Variants in MRTFA observed in about 807,000 individuals in gnomAD.
MRTFA encodes myocardin-related transcription factor A.
A neutral mutation model predicts 83.5 loss-of-function variants in MRTFA; 20 were observed. The ratio of observed to expected loss-of-function variants is 0.24; its 90% confidence interval spans 0.17 to 0.35. MRTFA has a LOEUF of 0.35. Ranked by LOEUF, MRTFA falls within the 10% of genes least tolerant of loss-of-function variation. The probability of loss-of-function intolerance (pLI) is 1.00; values close to 1 mark genes in which losing one functional copy is unlikely to be tolerated. For missense variants in MRTFA, 1,200 were observed against 1,224.7 expected (o/e 0.98, Z 0.30); for synonymous variants, 659 against 541.2 (o/e 1.22, Z -3.02).
At chr22:40,630,771 C>G (rs117669949) in intron 1 of MRTFA, among the ~76,000 whole-genome samples, 12,411 of 152,212 alleles carry the variant, frequency 0.082, 752 homozygotes, top group East Asian at 0.25. Context: ...GGTGTGATCA[C>G]AGCTCATTGC....
intron 3 of MRTFA, among the ~76,000 whole-genome samples, chr22:40,500,688 T>G (rs1036966540): frequency 9.3e-5 from 14 of 150,682 alleles, no homozygotes; most frequent in African/African-American, 3.4e-4. Context: ...CAGCACATGT[T>G]TCAGAGAGCA....
At chr22:40,438,938 T>C (rs796640672) in intron 4 of MRTFA, among the ~76,000 whole-genome samples, 104 of 152,066 alleles carry the variant, frequency 6.8e-4, no homozygotes, top group African/African-American at 2.5e-3. Flanking sequence ...AAGGGATTAA[T>C]ATCTGTTGGA....
chr22:40,469,413 G>T (rs5995863), intron 3 of MRTFA, among the ~76,000 whole-genome samples: 96,076 of 152,040 alleles, frequency 0.63, 31,483 homozygotes, highest in African/African-American at 0.78. Context: ...TGCTCCCCAT[G>T]TGCCTTCTGT....
intron 1 of MRTFA, among the ~76,000 whole-genome samples, chr22:40,625,088 TG>T: frequency 6.6e-6 from 1 of 152,328 alleles, no homozygotes; most frequent in South Asian, 2.1e-4. Flanking sequence ...ATTATGTTCT[TG>T]GTTCCCTGTT....
At chr22:40,634,129 C>T (rs2056669394) in intron 1 of MRTFA, among the ~76,000 whole-genome samples, 1 of 151,280 alleles carries the variant, frequency 6.6e-6, no homozygotes, top group Non-Finnish European at 1.5e-5. Flanking sequence ...TCTCACCGCA[C>T]ATTCAGGATG....
chr22:40,494,168 A>C lies in MRTFA; in HGVS notation c.242-30882T>G, dbSNP rs552554318. The stretch of plus-strand genomic sequence containing the variant: ...AGAGCTCTTATCTATTGGCTTAGAG[A>C]AAAGTGCTTTTCTATTGTCTCTGAA... On this transcript the variant is annotated intron_variant, in intron 3 of 14. Coordinates refer to ENST00000355630, the MANE Select transcript of MRTFA (RefSeq NM_020831.6). Among the ~76,000 whole-genome samples, 4 of 152,326 alleles carry C rather than the reference A, an allele frequency of 2.6e-5. No individual in the cohort carries two copies. In the South Asian group the frequency reaches 8.3e-4, roughly 32 times the overall value.
intron 2 of MRTFA, among the ~76,000 whole-genome samples, chr22:40,593,526 T>C (rs993681959): frequency 2.0e-5 from 3 of 152,220 alleles, no homozygotes; most frequent in Admixed American, 6.5e-5. Flanking sequence ...GATAATTTAC[T>C]GACCACACAG....
intron 4 of MRTFA, among the ~76,000 whole-genome samples, chr22:40,452,613 C>T (rs191920189): frequency 4.6e-5 from 7 of 152,024 alleles, no homozygotes; most frequent in Admixed American, 1.3e-4. Flanking sequence ...CACCTGAGGT[C>T]AGGAGTTCGA....
In MRTFA at chr22:40,435,559, T is replaced by C; in HGVS notation, c.308-5A>G. 1.9e-6 allele frequency: 3 copies of C among 1,614,124 alleles called. No homozygotes were observed. The highest frequency in any genetic ancestry group is 2.5e-6 in the Non-Finnish European group (3 of 1,179,982). On this transcript the variant is annotated splice_region_variant and splice_polypyrimidine_tract_variant and intron_variant, in intron 4 of 14. Coordinates refer to ENST00000355630, the MANE Select transcript of MRTFA (RefSeq NM_020831.6). ...ATGCGGCTGGACTTTTCAAAGCTGTTGAGAGAAGAACCGTAAAGATTACCT... is the reference window on the plus strand; with the variant it reads ...ATGCGGCTGGACTTTTCAAAGCTGTCGAGAGAAGAACCGTAAAGATTACCT...
chr22:40,469,637 A>G (rs952002912), intron 3 of MRTFA, among the ~76,000 whole-genome samples: 1 of 151,932 alleles, frequency 6.6e-6, no homozygotes, highest in Non-Finnish European at 1.5e-5. Flanking sequence ...CATATAGAAC[A>G]CTCCACCTAA....
At chr22:40,538,847 TGA>T (rs2055234721) in intron 3 of MRTFA, among the ~76,000 whole-genome samples, 1 of 152,092 alleles carries the variant, frequency 6.6e-6, no homozygotes, top group Non-Finnish European at 1.5e-5. Flanking sequence ...ACTAAGGAAA[TGA>T]GAGATAATGA....
Position 40,590,885 on chromosome 22 carries a change from C to T in MRTFA, c.-22+3789G>A, listed in dbSNP as rs1569342736. Among the ~76,000 whole-genome samples, 4 of 151,998 alleles carry T rather than the reference C, an allele frequency of 2.6e-5. No individual in the cohort carries two copies. The South Asian group carries it at 8.3e-4, about 32-fold the overall frequency. ...ACGGTGGCTCACAGCTGTAACCCCACCACTTTAGGAGGCCAAGGCAGGCAG... is the reference window on the plus strand; with the variant it reads ...ACGGTGGCTCACAGCTGTAACCCCATCACTTTAGGAGGCCAAGGCAGGCAG... On this transcript the variant is annotated intron_variant, in intron 2 of 14. Coordinates refer to ENST00000355630, the MANE Select transcript of MRTFA (RefSeq NM_020831.6).
chr22:40,487,989 C>G (rs2054201919), intron 3 of MRTFA, among the ~76,000 whole-genome samples: 1 of 152,108 alleles, frequency 6.6e-6, no homozygotes, highest in Non-Finnish European at 1.5e-5. Context: ...AAACTTAAAC[C>G]TATCACACAC....
At chr22:40,580,957 T>G (rs1237809543) in intron 2 of MRTFA, among the ~76,000 whole-genome samples, 1 of 152,158 alleles carries the variant, frequency 6.6e-6, no homozygotes, top group African/African-American at 2.4e-5. Context: ...TTTAACTTCT[T>G]GTAACTTGCT....
At chr22:40,538,298 T>TG (rs1323567593) in intron 3 of MRTFA, among the ~76,000 whole-genome samples, 3 of 100,070 alleles carry the variant, frequency 3.0e-5, no homozygotes, top group Non-Finnish European at 4.1e-5. Context: ...AAACATGTGC[T>TG]GTGTCCACTC....
At chr22:40,446,440 G>C (rs936460158) in intron 4 of MRTFA, among the ~76,000 whole-genome samples, 3 of 152,118 alleles carry the variant, frequency 2.0e-5, no homozygotes, top group Admixed American at 6.6e-5. Context: ...AGGGAAGTGG[G>C]GGAGAAACTG....
In MRTFA at chr22:40,416,060, T is replaced by C. The variant is rs563743143; in HGVS notation, c.2578+926A>G. Reference sequence around the variant, plus strand: ...AATGCCACTTGATGTCAACTGTCCCTGTGAACCCTCCATTCGGTCTCGTGA... The same window carrying C: ...AATGCCACTTGATGTCAACTGTCCCCGTGAACCCTCCATTCGGTCTCGTGA... On this transcript the variant is annotated intron_variant, in intron 14 of 14. Coordinates refer to ENST00000355630, the MANE Select transcript of MRTFA (RefSeq NM_020831.6). The surrounding 1 kb of genome is among the most constrained non-coding windows in gnomAD (Gnocchi z 4.2). 6.6e-6 allele frequency among the ~76,000 whole-genome samples: 1 copy of C among 152,296 alleles called. No individual in the cohort carries two copies. The highest frequency in any genetic ancestry group is 2.1e-4 in the South Asian group (1 of 4,828).
chr22:40,561,459 A>G (rs1300228281), intron 2 of MRTFA, among the ~76,000 whole-genome samples: 2 of 151,070 alleles, frequency 1.3e-5, no homozygotes, highest in Non-Finnish European at 2.9e-5. Flanking sequence ...CCACTGTACT[A>G]CAGCCTGGAT....
Position 40,459,862 on chromosome 22 carries a change from T to TATATATATATAC in MRTFA, c.307+3358_307+3359insGTATATATATAT, listed in dbSNP as rs796103400. 9.3e-4 allele frequency among the ~76,000 whole-genome samples: 113 copies of TATATATATATAC among 121,464 alleles called. 2 individuals carry two copies. Among genetic ancestry groups the TATATATATATAC allele is most frequent in the South Asian group, 3.8e-3 (14 of 3,706 alleles). The allele number at this position is 121,464 out of a possible 152,430, so 79.7% of individuals were successfully genotyped here. On this transcript the variant is annotated intron_variant, in intron 4 of 14. Transcript: ENST00000355630. ...ATATATATATATATATATATATATA[T>TATATATATATAC]ACACACATGAATGATACTTTCTCAA...
Sources: gnomAD v4.1 joint callset for allele counts (sites outside exome capture counted in the v4.1 genomes callset) on GRCh38, gnomAD v4.1.1 for gene constraint, Gnocchi (gnomAD v3.1) non-coding constraint, MANE v1.5 for transcripts, NCBI Gene and HGNC (gene_info 2026-07-23, HGNC 2026-07-21) for gene names.